Variants in ABCG1 observed in about 807,000 individuals in gnomAD.
ABCG1 encodes the protein ATP binding cassette subfamily G member 1.
A neutral mutation model predicts 69.2 loss-of-function variants in ABCG1; 29 were observed. The observed-to-expected ratio is 0.42, with a 90% CI of 0.31 to 0.57. The LOEUF is 0.57. ABCG1 is among the 20% of genes least tolerant of loss of function. The probability of loss-of-function intolerance (pLI) is 0.15; values close to 1 mark genes in which losing one functional copy is unlikely to be tolerated. For synonymous variants in ABCG1, 370 were observed against 374.8 expected (o/e 0.99, Z 0.15); for missense variants, 718 against 898.1 (o/e 0.80, Z 2.56).
In ABCG1 at chr21:42,295,551, G is replaced by A. The variant is rs539102580; in HGVS notation, c.1773-613G>A. Among the ~76,000 whole-genome samples the A allele has an allele frequency of 1.6e-4, 24 of 152,316 alleles. No homozygotes were observed. The South Asian group carries it at 4.8e-3, about 30-fold the overall frequency. ...AGGGGCAGCGCCCATCTTCCGAGCT[G>A]CAGAAGTTCCATGTGACACTAAGAT... On this transcript the variant is annotated intron_variant, in intron 14 of 14. Transcript: ENST00000398449.
At chr21:42,204,712 G>A (rs2067530260) in intron 2 of ABCG1, among the ~76,000 whole-genome samples, 2 of 152,134 alleles carry the variant, frequency 1.3e-5, no homozygotes, top group South Asian at 4.1e-4. Flanking sequence ...GTCTTGCTGT[G>A]TTGCCCAGGC....
intron 2 of ABCG1, among the ~76,000 whole-genome samples, chr21:42,262,284 G>A (rs225384): frequency 0.44 from 66,150 of 152,018 alleles, 14,897 homozygotes; most frequent in Middle Eastern, 0.59. Context: ...CCCACATCCT[G>A]GCAAGAATTC....
In ABCG1 at chr21:42,219,673, C is replaced by A. The variant is rs993101284; in HGVS notation, c.42+369C>A. ...ACTGGGGACTGGGGAGGGGCCGCAG[C>A]TTGGGCCGGAGGGAAGAGGGGACTT... On this transcript the variant is annotated intron_variant, in intron 1 of 14. Transcript: ENST00000398449. The surrounding 1 kb of genome is among the most constrained non-coding windows in gnomAD (Gnocchi z 5.3). 2 of 719,730 alleles carry A rather than the reference C, an allele frequency of 2.8e-6. No homozygotes were observed. Among genetic ancestry groups the A allele is most frequent in the Admixed American group, 6.4e-5 (2 of 31,110 alleles). The allele number at this position is 719,730 out of a possible 1,614,324, so 44.6% of individuals were successfully genotyped here.
intron 2 of ABCG1, among the ~76,000 whole-genome samples, chr21:42,248,583 A>T (rs1297393922): frequency 6.6e-6 from 1 of 152,170 alleles, no homozygotes. Flanking sequence ...CCAAATGCTC[A>T]TTGAAAGAAG....
chr21:42,206,798 T>C (rs2067546293), intron 2 of ABCG1: 1 of 152,152 alleles, frequency 6.6e-6, no homozygotes, highest in African/African-American at 2.4e-5. Context: ...TCATCATTAT[T>C]TTAGGTTATG....
At chr21:42,261,398 T>A (rs908675468) in intron 2 of ABCG1, among the ~76,000 whole-genome samples, 3 of 152,184 alleles carry the variant, frequency 2.0e-5, no homozygotes, top group African/African-American at 4.8e-5. Flanking sequence ...GGAACAGTAC[T>A]GTCTGCATGG....
upstream of ABCG1, among the ~76,000 whole-genome samples, chr21:42,218,105 C>T (rs955303476): frequency 2.0e-5 from 3 of 152,148 alleles, no homozygotes; most frequent in Admixed American, 2.0e-4. Flanking sequence ...GTGAAGTCCA[C>T]CTGCCTGGCA....
chr21:42,239,962 C>T (rs1161349926), intron 2 of ABCG1, among the ~76,000 whole-genome samples: 1 of 152,188 alleles, frequency 6.6e-6, no homozygotes, highest in Non-Finnish European at 1.5e-5. Flanking sequence ...GCCAGGCTTC[C>T]AGTATCTCAC....
intron 2 of ABCG1, among the ~76,000 whole-genome samples, chr21:42,226,491 G>A (rs148078620): frequency 5.9e-4 from 90 of 152,352 alleles, no homozygotes; most frequent in Non-Finnish European, 1.0e-3. Context: ...TGTCTGGAAC[G>A]CCACACAGTG....
chr21:42,260,360 G>C, intron 2 of ABCG1, among the ~76,000 whole-genome samples: 1 of 152,198 alleles, frequency 6.6e-6, no homozygotes, highest in East Asian at 1.9e-4. Context: ...CCTGCCAGGG[G>C]CTCATCACCT....
At chr21:42,274,380 G>A (rs546319739) in intron 4 of ABCG1, among the ~76,000 whole-genome samples, 2 of 152,208 alleles carry the variant, frequency 1.3e-5, no homozygotes, top group South Asian at 2.1e-4. Flanking sequence ...GAAGGGTCCA[G>A]GGGATATCCT....
At chr21:42,212,471 C>G (rs1442916829), upstream of ABCG1, among the ~76,000 whole-genome samples, 1 of 151,964 alleles carries the variant, frequency 6.6e-6, no homozygotes, top group Non-Finnish European at 1.5e-5. Context: ...AGGTGTCAGA[C>G]AGAAATGAGG....
intron 5 of ABCG1, among the ~76,000 whole-genome samples, chr21:42,278,008 G>C (rs897345953): frequency 6.6e-6 from 1 of 152,226 alleles, no homozygotes; most frequent in Non-Finnish European, 1.5e-5. Flanking sequence ...TGTCACCGGG[G>C]CTGGGGGGTG....
At chr21:42,217,630 C>T (rs959424495), upstream of ABCG1, among the ~76,000 whole-genome samples, 1 of 148,686 alleles carries the variant, frequency 6.7e-6, no homozygotes, top group Non-Finnish European at 1.5e-5. Flanking sequence ...ACACAGCAGT[C>T]AGATTTCCTC....
intron 5 of ABCG1, among the ~76,000 whole-genome samples, chr21:42,280,554 G>T (rs2068789679): frequency 6.6e-6 from 1 of 152,222 alleles, no homozygotes; most frequent in African/African-American, 2.4e-5. Flanking sequence ...AAATAACTGA[G>T]ATCATTGTTT....
chr21:42,286,960 G>A (rs116147723), intron 8 of ABCG1, among the ~76,000 whole-genome samples: 4 of 152,300 alleles, frequency 2.6e-5, no homozygotes, highest in African/African-American at 9.6e-5. Context: ...ATGACTTTCC[G>A]GTGGGGCCAA....
intron 2 of ABCG1, among the ~76,000 whole-genome samples, chr21:42,244,631 C>T (rs917322877): frequency 3.0e-4 from 45 of 152,156 alleles, no homozygotes; most frequent in African/African-American, 8.5e-4. Flanking sequence ...GCAAGGATCA[C>T]AATTAGTGAA....
intron 1 of ABCG1, among the ~76,000 whole-genome samples, chr21:42,221,652 C>G (rs1400993439): frequency 3.3e-5 from 5 of 152,192 alleles, no homozygotes; most frequent in Non-Finnish European, 7.3e-5. Context: ...CTTGGGGGCT[C>G]TTGGTCAGTG....
chr21:42,227,466 A>T (rs1254099032), intron 2 of ABCG1, among the ~76,000 whole-genome samples: 1 of 152,176 alleles, frequency 6.6e-6, no homozygotes, highest in African/African-American at 2.4e-5. Context: ...TCCGTCTGTT[A>T]TGTGTGGCCT....
Sources: allele counts gnomAD v4.1 joint callset (sites outside exome capture counted in the v4.1 genomes callset), GRCh38; gene constraint gnomAD v4.1.1; non-coding constraint Gnocchi (gnomAD v3.1); transcripts MANE v1.5; gene names NCBI Gene and HGNC (gene_info 2026-07-23, HGNC 2026-07-21).